PLCD4: variants seen among roughly 807,000 people sequenced by gnomAD.
PLCD4 encodes 1-phosphatidylinositol 4,5-bisphosphate phosphodiesterase delta-4.
In PLCD4, 63 loss-of-function variants were observed where a neutral mutation model predicts 90.2. That is an observed-to-expected ratio of 0.70 (90% confidence interval 0.57 to 0.86). The LOEUF (loss-of-function observed/expected upper bound fraction) is 0.86, where lower values mean the gene tolerates loss of function less well. Among genes scored for constraint, PLCD4 ranks in the 40% least tolerant of loss-of-function variants. The pLI, the probability that PLCD4 is intolerant of heterozygous loss-of-function variation, is 0.00. For synonymous variants in PLCD4, 294 were observed against 356.5 expected, an observed-to-expected ratio of 0.82 and a Z score of 1.97; for missense variants, 830 against 956.3, an observed-to-expected ratio of 0.87 and a Z score of 1.74.
rs1353317197 is a variant in PLCD4 at position 218,628,128 on chromosome 2, A to C, written c.872A>C (p.Asp291Ala). The change falls in exon 7 of 16, where the codon GAT (aspartate) becomes GCT (alanine). Residue 291 changes from aspartate to alanine, a missense_variant. Transcript: ENST00000450993. ...FNPACLPIYQ[D>A]MTQPLNHYFI... ...CCAGCCTGCCTCCCCATCTATCAGG[A>C]TATGACTCAACCCCTGAACCACTAC... The C allele has an allele frequency of 1.1e-5, 17 of 1,613,960 alleles. No individual in the cohort carries two copies. The highest frequency in any genetic ancestry group is 1.4e-5 in the Non-Finnish European group (16 of 1,179,828).
Position 218,635,864 on chromosome 2 carries a change from G to GA in PLCD4, c.1968dup (p.Val657SerfsTer24). 1.2e-6 allele frequency: 2 copies of GA among 1,613,994 alleles called. No individual in the cohort carries two copies. Among genetic ancestry groups the GA allele is most frequent in the South Asian group, 2.2e-5 (2 of 91,082 alleles). ...AGGGGTCCATTGTGGATCCACTGGT[G>GA]AAAGTGCAGATCTTTGGCGTTCGTC... On this transcript the variant is annotated frameshift_variant, in exon 14 of 16. Coordinates refer to ENST00000450993, the MANE Select transcript of PLCD4 (RefSeq NM_032726.4). LOFTEE classifies it high-confidence loss of function.
intron 3 of PLCD4, among the ~76,000 whole-genome samples, chr2:218,617,618 C>T (rs1301618157): frequency 6.6e-6 from 1 of 151,806 alleles, no homozygotes; most frequent in African/African-American, 2.4e-5. Context: ...TAACAGTGTG[C>T]ACTTATTGGC....
At chr2:218,632,415 C>A in intron 10 of PLCD4, 103 bp downstream of exon 10, 1 of 1,164,976 alleles carries the variant, frequency 8.6e-7, no homozygotes. Flanking sequence ...GGCCAAGGAG[C>A]AATGACCCTT....
chr2:218,618,616 T>G lies in PLCD4; in HGVS notation c.219T>G (p.His73Gln). 6.2e-7 allele frequency: 1 copy of G among 1,614,070 alleles called. No homozygotes were observed. The highest frequency in any genetic ancestry group is 8.5e-7 in the Non-Finnish European group (1 of 1,179,890). ...ATGTGGAGACAATACGTAATGGCCA[T>G]GATTCCGAGTTGCTGCGTAGCCTGG... ...ISDVETIRNG[H>Q]DSELLRSLAE... The change falls in exon 4 of 16, where the codon CAT (histidine) becomes CAG (glutamine). Residue 73 changes from histidine (H) to glutamine (Q), a missense_variant. Physicochemically the swap from His to Gln is conservative, Grantham distance 24. Transcript: ENST00000450993.
intron 14 of PLCD4, 112 bp downstream of exon 14, chr2:218,636,043 C>A: frequency 6.7e-7 from 1 of 1,494,428 alleles, no homozygotes; most frequent in Non-Finnish European, 9.1e-7. Flanking sequence ...ACATGGGAGG[C>A]AGTGTGGAAC....
intron 1 of PLCD4, among the ~76,000 whole-genome samples, chr2:218,611,787 C>T (rs1463450000): frequency 4.6e-5 from 7 of 151,910 alleles, no homozygotes; most frequent in East Asian, 1.9e-4. Flanking sequence ...TTAATAGAGA[C>T]GGGGTTTCAC....
At position 218,630,693 on chromosome 2, in the gene PLCD4, G is replaced by T; in HGVS notation, c.1163G>T (p.Ser388Ile). ...ATCTTGTCCCTGGAGACCCACTGCA[G>T]CTGGGAGCAGCAGCAGACCATGGCC... ...PVILSLETHC[S>I]WEQQQTMARH... Residue 388 changes from serine to isoleucine, a missense_variant, in exon 9 of 16, where the codon AGC becomes ATC. Transcript: ENST00000450993. The T allele has an allele frequency of 6.2e-7, 1 of 1,614,050 alleles. No homozygotes were observed. Among genetic ancestry groups the T allele is most frequent in the Non-Finnish European group, 8.5e-7 (1 of 1,179,896 alleles).
At chr2:218,630,877 C>A in intron 9 of PLCD4, 75 bp downstream of exon 9, 1 of 1,445,110 alleles carries the variant, frequency 6.9e-7, no homozygotes. Flanking sequence ...TTCCTCTATG[C>A]CCCTCTTTGT....
chr2:218,619,148 C>T (rs1695760845), intron 4 of PLCD4, among the ~76,000 whole-genome samples: 1 of 152,080 alleles, frequency 6.6e-6, no homozygotes, highest in African/African-American at 2.4e-5. Flanking sequence ...TCTTAGAAGG[C>T]TCAGTGATAT....
intron 6 of PLCD4, among the ~76,000 whole-genome samples, chr2:218,623,980 G>A (rs1258229725): frequency 4.6e-5 from 7 of 152,234 alleles, no homozygotes; most frequent in Admixed American, 4.6e-4. Flanking sequence ...ACTGTGCCTG[G>A]CATCTACGTA....
chr2:218,621,449 T>C (rs1695877207), intron 4 of PLCD4, 21 bp from the exon 5 acceptor site: 1 of 1,613,466 alleles, frequency 6.2e-7, no homozygotes, highest in Admixed American at 1.7e-5. Context: ...CATTAGTGCT[T>C]TTGCCTTGAC....
rs543955232 is a variant in PLCD4 at position 218,634,560 on chromosome 2, G to A, written c.1826G>A (p.Arg609His). The change falls in exon 13 of 16, where the codon CGT becomes CAT. Residue 609 changes from arginine to histidine, a missense_variant. Transcript: ENST00000450993. This position sits in a 1 kb window ranked among gnomAD's most constrained non-coding sequence, Gnocchi z 4.0. The part of the protein sequence containing the change: ...CGYVLKPDFL[R>H]DIQSSFHPEK... ...TATGTGCTGAAGCCAGACTTCCTGC[G>A]TGATATCCAGAGTTCTTTCCACCCT... 534 of 1,614,016 alleles carry A rather than the reference G, an allele frequency of 3.3e-4. 9 individuals carry two copies. The South Asian group carries it at 5.4e-3, about 16-fold the overall frequency.
chr2:218,613,157 G>A (rs1695416561), intron 1 of PLCD4, among the ~76,000 whole-genome samples: 2 of 151,952 alleles, frequency 1.3e-5, no homozygotes, highest in Admixed American at 6.6e-5. Context: ...TTGGGAGGTC[G>A]AGGCGGGTGG....
In PLCD4 at chr2:218,621,587, C is replaced by T; in HGVS notation, c.528C>T (p.Phe176=). The T allele has an allele frequency of 6.2e-7, 1 of 1,613,816 alleles. No homozygotes were observed. Among genetic ancestry groups the T allele is most frequent in the Non-Finnish European group, 8.5e-7 (1 of 1,179,786 alleles). The change falls in exon 5 of 16, where the codon TTC becomes TTT. Residue 176 remains phenylalanine, a synonymous_variant. Transcript: ENST00000450993. The stretch of plus-strand genomic sequence containing the variant: ...TGGAAATGGACCAAGAATATGCCTT[C>T]AGTCTTTTTCAGGTGAGTCTGTGGG... The part of the protein sequence containing the change: ...MNVEMDQEYA[F]SLFQAADTSQ...
At chr2:218,628,262 A>G in intron 7 of PLCD4, 32 bp downstream of exon 7, 1 of 1,592,290 alleles carries the variant, frequency 6.3e-7, no homozygotes, top group Non-Finnish European at 8.6e-7. Context: ...GGTCCAACTC[A>G]TGAGAGGGAC....
chr2:218,632,208 G>A lies in PLCD4; in HGVS notation c.1345G>A (p.Glu449Lys). The A allele has an allele frequency of 6.2e-7, 1 of 1,611,324 alleles. No homozygotes were observed. The highest frequency in any genetic ancestry group is 8.5e-7 in the Non-Finnish European group (1 of 1,178,878). Residue 449 changes from glutamate (E) to lysine (K), a missense_variant, in exon 10 of 16, where the codon GAA becomes AAA. Transcript: ENST00000450993. Reference protein sequence around the residue: ...LEEDLEYEEEEAEPELEESEL... With the variant: ...LEEDLEYEEEKAEPELEESEL... ...GGAAGACCTGGAATATGAGGAAGAG[G>A]AAGCAGAACCTGAGTTGGAAGAGTC...
In PLCD4 at chr2:218,634,217, G is replaced by C. The variant is rs1351137578; in HGVS notation, c.1719G>C (p.Gln573His). The C allele has an allele frequency of 5.0e-6, 8 of 1,608,690 alleles. No homozygotes were observed. The East Asian group carries it at 1.6e-4, about 31-fold the overall frequency. The change falls in exon 12 of 16, where the codon CAG becomes CAC. Residue 573 changes from glutamine to histidine, a missense_variant. Gln to His is a conservative substitution (Grantham distance 24, BLOSUM62 0). Transcript: ENST00000450993. This position sits in a 1 kb window ranked among gnomAD's most constrained non-coding sequence, Gnocchi z 4.0. ...AGGAACTCTGGAATGCAGGCTGCCA[G>C]ATGGGTGAGGAGGCAGCAGGGACTG... Reference protein sequence around the residue: ...NPQELWNAGCQMVAMNMQTAG... With the variant: ...NPQELWNAGCHMVAMNMQTAG...
Position 218,628,142 on chromosome 2 carries a change from C to CT in PLCD4, c.887dup (p.Asn297GlufsTer10). On this transcript the variant is annotated frameshift_variant, in exon 7 of 16. Transcript: ENST00000450993. LOFTEE classifies it high-confidence loss of function. Reference sequence around the variant, plus strand: ...CATCTATCAGGATATGACTCAACCCCTGAACCACTACTTCATCTGCTCTTC... The same window carrying CT: ...CATCTATCAGGATATGACTCAACCCCTTGAACCACTACTTCATCTGCTCTTC... 7.4e-6 allele frequency: 12 copies of CT among 1,614,056 alleles called. No homozygotes were observed. Among genetic ancestry groups the CT allele is most frequent in the Non-Finnish European group, 1.0e-5 (12 of 1,179,892 alleles).
chr2:218,621,632 A>G (rs1695883838), intron 5 of PLCD4, 33 bp downstream of exon 5: 3 of 1,612,506 alleles, frequency 1.9e-6, no homozygotes. Context: ...CCAGCGGCCA[A>G]CCAGGCCACA....
Sources: allele counts gnomAD v4.1 joint callset (sites outside exome capture counted in the v4.1 genomes callset), GRCh38; gene constraint gnomAD v4.1.1; non-coding constraint Gnocchi (gnomAD v3.1); transcripts MANE v1.5; gene names NCBI Gene and HGNC (gene_info 2026-07-23, HGNC 2026-07-21).